KRT86: variants seen among roughly 807,000 people sequenced by gnomAD.
KRT86 encodes keratin, type II cuticular Hb6.
In KRT86, 30 loss-of-function variants were observed where a neutral mutation model predicts 41.2. The observed-to-expected ratio is 0.73, with a 90% confidence interval of 0.54 to 0.99. The LOEUF (loss-of-function observed/expected upper bound fraction) is 0.99, where lower values mean the gene tolerates loss of function less well. Among genes scored for constraint, KRT86 ranks in the 50% least tolerant of loss-of-function variants. The pLI, the probability that KRT86 is intolerant of heterozygous loss-of-function variation, is 0.00. For synonymous variants in KRT86, 238 were observed against 238.1 expected (o/e 1.00, Z 0.00); for missense variants, 561 against 571.4 (o/e 0.98, Z 0.19).
In KRT86 at chr12:52,305,383, C is replaced by T. The variant is rs569717946; in HGVS notation, c.879C>T (p.Ala293=). ...DDIVTRSRAE[A]ESWYRSKCEE... is the part of the protein sequence containing the mutation. Reference sequence around the variant, plus strand: ...TTGTCACCCGTAGCCGGGCTGAGGCCGAGTCCTGGTACCGCAGCAAGGTGA... The same window carrying T: ...TTGTCACCCGTAGCCGGGCTGAGGCTGAGTCCTGGTACCGCAGCAAGGTGA... Residue 293 remains alanine (A), a synonymous_variant, in exon 7 of 11, where the codon GCC becomes GCT. Transcript: ENST00000423955. 7.4e-5 allele frequency: 120 copies of T among 1,614,220 alleles called. 3 individuals are homozygous for T. In the South Asian group the frequency reaches 8.8e-4, roughly 12 times the overall value.
intron 9 of KRT86, 124 bp downstream of exon 9, chr12:52,306,404 A>G: frequency 1.4e-6 from 2 of 1,472,370 alleles, no homozygotes; most frequent in African/African-American, 1.4e-5. Flanking sequence ...CAGACAGGTA[A>G]TTTGTGTAAG....
Position 52,308,899 on chromosome 12 carries a change from A to C in KRT86, c.*314A>C. On this transcript the variant is annotated 3_prime_UTR_variant, in exon 11 of 11. Transcript: ENST00000423955. ...ATTGGTCTTGCCTGAGCTCTTCCCCAAAGCTTGGAGGAACGGGGGAGGCCC... is the reference window on the plus strand; with the variant it reads ...ATTGGTCTTGCCTGAGCTCTTCCCCCAAGCTTGGAGGAACGGGGGAGGCCC... 2.6e-6 allele frequency: 1 copy of C among 379,310 alleles called. No individual in the cohort carries two copies. Among genetic ancestry groups the C allele is most frequent in the African/African-American group, 2.2e-5 (1 of 46,344 alleles). 23.5% of individuals were successfully genotyped at this position (379,310 alleles called of 1,614,324 possible). A position where few individuals can be genotyped will look rare whatever the true frequency, so the allele number is the denominator to read the frequency against.
chr12:52,292,833 T>G (rs1241862897), intron 2 of KRT86, among the ~76,000 whole-genome samples: 1 of 152,194 alleles, frequency 6.6e-6, no homozygotes, highest in Non-Finnish European at 1.5e-5. Flanking sequence ...AATGTCAGAT[T>G]GGTGATGCTA....
rs768820064 is a variant in KRT86 at position 52,302,121 on chromosome 12, G to A, written c.205G>A (p.Gly69Ser). 4.8e-4 allele frequency: 743 copies of A among 1,542,156 alleles called. 4 individuals are homozygous for A. Among genetic ancestry groups the A allele is most frequent in the Middle Eastern group, 2.3e-3 (10 of 4,318 alleles). The change falls in exon 3 of 11, where the codon GGC becomes AGC. Residue 69 changes from glycine (G) to serine (S), a missense_variant. Physicochemically the swap from Gly to Ser is moderately conservative, Grantham distance 56. Transcript: ENST00000423955. ...CGRSFGYRSGGVCGPSPPCIT... is the reference protein window; with the variant it reads ...CGRSFGYRSGSVCGPSPPCIT... Reference sequence around the variant, plus strand: ...ACGCAGCTTCGGCTACCGCTCCGGGGGCGTGTGCGGGCCCAGTCCCCCATG... The same window carrying A: ...ACGCAGCTTCGGCTACCGCTCCGGGAGCGTGTGCGGGCCCAGTCCCCCATG...
rs28733260 is a variant in KRT86 at position 52,306,086 on chromosome 12, T to C, written c.1053T>C (p.Ala351=). The C allele has an allele frequency of 2.2e-3, 3,581 of 1,613,810 alleles. 62 individuals are homozygous for C. The African/African-American group carries it at 0.04, about 18-fold the overall frequency. ...CQNSKLEAAV[A]QSEQQGEAAL... ...ATTCCAAGCTGGAGGCTGCGGTGGC[T>C]CAGTCTGAGCAGCAGGGTGAGGCGG... The change falls in exon 9 of 11, where the codon GCT becomes GCC. Residue 351 remains alanine, a synonymous_variant. Coordinates refer to ENST00000423955, the MANE Select transcript of KRT86 (RefSeq NM_001320198.2).
chr12:52,308,856 G>GTT lies in KRT86; in HGVS notation c.*278_*279dup, dbSNP rs111847567. ...CATCTTTTTCTTCCGCCTGCCTTCTGTTTTTTTTGCTGTATACATTGGTCT... is the reference window on the plus strand; with the variant it reads ...CATCTTTTTCTTCCGCCTGCCTTCTGTTTTTTTTTTGCTGTATACATTGGTCT... On this transcript the variant is annotated 3_prime_UTR_variant, in exon 11 of 11. Coordinates refer to ENST00000423955, the MANE Select transcript of KRT86 (RefSeq NM_001320198.2). 155,674 of 476,202 alleles carry GTT rather than the reference G, an allele frequency of 0.33. 21,837 individuals are homozygous for GTT. Among genetic ancestry groups the GTT allele is most frequent in the African/African-American group, 0.38 (18,697 of 49,134 alleles). 29.5% of individuals were successfully genotyped at this position (476,202 alleles called of 1,614,324 possible). A position where few individuals can be genotyped will look rare whatever the true frequency, so the allele number is the denominator to read the frequency against.
chr12:52,305,524 T>A lies in KRT86; in HGVS notation c.900+120T>A, dbSNP rs1273465666. 11 of 1,599,506 alleles carry A rather than the reference T, an allele frequency of 6.9e-6. No homozygotes were observed. The South Asian group carries it at 7.8e-5, about 11-fold the overall frequency. ...GGATGAGAAGAGATGGCTGCCACTC[T>A]GATGTTGGGGTGGTAGGGCAGGACT... On this transcript the variant is annotated intron_variant, in intron 7 of 10. Transcript: ENST00000423955.
chr12:52,293,457 G>A (rs1938182580), intron 2 of KRT86, among the ~76,000 whole-genome samples: 1 of 152,182 alleles, frequency 6.6e-6, no homozygotes, highest in Non-Finnish European at 1.5e-5. Context: ...AGAGGGTAGT[G>A]AAAGTTGTTT....
intron 2 of KRT86, among the ~76,000 whole-genome samples, chr12:52,299,618 G>T (rs1447670441): frequency 6.6e-6 from 1 of 151,884 alleles, no homozygotes; most frequent in African/African-American, 2.4e-5. Flanking sequence ...TAATTTTTTT[G>T]TCTTTTTGAT....
At chr12:52,305,219 C>G in intron 6 of KRT86, 21 bp from the exon 7 acceptor site, 2 of 1,614,200 alleles carry the variant, frequency 1.2e-6, no homozygotes, top group Non-Finnish European at 1.7e-6. Context: ...CAACTAAAGT[C>G]ACTGCCCTCA....
At chr12:52,306,329 T>C (rs769816651) in intron 9 of KRT86, 49 bp downstream of exon 9, 2 of 1,612,440 alleles carry the variant, frequency 1.2e-6, no homozygotes, top group East Asian at 4.5e-5. Flanking sequence ...GGGTTCTCAG[T>C]GTGCTCTGTC....
intron 2 of KRT86, among the ~76,000 whole-genome samples, chr12:52,301,159 AAG>A (rs1220196340): frequency 6.6e-6 from 1 of 150,684 alleles, no homozygotes. Context: ...GTGTATGTGA[AAG>A]AGAGAGGGGG....
intron 9 of KRT86, chr12:52,306,560 G>A (rs1938524473): frequency 1.8e-6 from 1 of 570,704 alleles, no homozygotes; most frequent in Non-Finnish European, 3.1e-6. Flanking sequence ...AAGGCTTGGG[G>A]TCAGCTTGCC....
chr12:52,301,507 C>G (rs1196614943), intron 2 of KRT86, among the ~76,000 whole-genome samples: 5 of 152,152 alleles, frequency 3.3e-5, no homozygotes, highest in Non-Finnish European at 7.3e-5. Flanking sequence ...ATGTCAAACC[C>G]CGCAGGACAG....
At chr12:52,288,304 C>A in intron 2 of KRT86, 6 of 1,610,682 alleles carry the variant, frequency 3.7e-6, no homozygotes, top group South Asian at 2.2e-5. Flanking sequence ...AACACTCCCA[C>A]CCCCAACTCT....
In KRT86 at chr12:52,305,242, G is replaced by C. The variant is rs1187030145; in HGVS notation, c.738G>C (p.Glu246Asp). ...GTCACTGCCCTCACCTCCTGCAGGAGATCCGCGTTCTCCAGTCCCACATCT... is the reference window on the plus strand; with the variant it reads ...GTCACTGCCCTCACCTCCTGCAGGACATCCGCGTTCTCCAGTCCCACATCT... Reference protein sequence around the residue: ...IDFLRRLYEEEIRVLQSHISD... With the variant: ...IDFLRRLYEEDIRVLQSHISD... Residue 246 changes from glutamate to aspartate, a missense_variant and splice_region_variant, in exon 7 of 11, where the codon GAG becomes GAC. Glu to Asp is a conservative substitution (Grantham distance 45). Transcript: ENST00000423955. The C allele has an allele frequency of 6.2e-7, 1 of 1,614,122 alleles. No homozygotes were observed. The highest frequency in any genetic ancestry group is 8.5e-7 in the Non-Finnish European group (1 of 1,180,048).
chr12:52,285,157 G>A (rs1937883883), intron 2 of KRT86, among the ~76,000 whole-genome samples: 2 of 152,148 alleles, frequency 1.3e-5, no homozygotes, highest in South Asian at 4.1e-4. Flanking sequence ...TCATTTTGGA[G>A]GTGTGGAAAC....
intron 2 of KRT86, among the ~76,000 whole-genome samples, chr12:52,293,393 T>C (rs559255989): frequency 2.5e-4 from 38 of 152,344 alleles, no homozygotes; most frequent in African/African-American, 8.9e-4. Context: ...TGCATTGCCT[T>C]CTCACTTATA....
At chr12:52,305,855 T>C in intron 8 of KRT86, 67 bp downstream of exon 8, 1 of 1,613,356 alleles carries the variant, frequency 6.2e-7, no homozygotes, top group Non-Finnish European at 8.5e-7. Context: ...AGCCTATGTG[T>C]GCCCTATCTG....
Sources: gnomAD v4.1 joint callset for allele counts (sites outside exome capture counted in the v4.1 genomes callset) on GRCh38, gnomAD v4.1.1 for gene constraint, MANE v1.5 for transcripts, NCBI Gene and HGNC (gene_info 2026-07-23, HGNC 2026-07-21) for gene names.